The following EXOC4 variants were observed in gnomAD, a reference collection of about 807,000 sequenced individuals.
The protein encoded by EXOC4 is SEC8-like 1.
In EXOC4, 71 loss-of-function variants were observed where a neutral mutation model predicts 107.2. The observed-to-expected ratio is 0.66, with a 90% CI of 0.55 to 0.81. The LOEUF (loss-of-function observed/expected upper bound fraction) is 0.81, where lower values mean the gene tolerates loss of function less well. Ranked by LOEUF, EXOC4 falls within the 30% of genes least tolerant of loss-of-function variation. The pLI, the probability that EXOC4 is intolerant of heterozygous loss-of-function variation, is 0.00. For missense variants in EXOC4, 1,108 were observed against 1,189.6 expected, an observed-to-expected ratio of 0.93 and a Z score of 1.01; for synonymous variants, 456 against 441.2, an observed-to-expected ratio of 1.03 and a Z score of -0.42.
intron 10 of EXOC4, among the ~76,000 whole-genome samples, chr7:133,753,768 C>G (rs1482503024): frequency 6.6e-6 from 1 of 152,112 alleles, no homozygotes; most frequent in Non-Finnish European, 1.5e-5. Context: ...GTGGCGTGAA[C>G]TTGAGGCTGG....
chr7:133,359,750 A>T (rs144167612), intron 6 of EXOC4, among the ~76,000 whole-genome samples: 1 of 152,220 alleles, frequency 6.6e-6, no homozygotes, highest in Admixed American at 6.5e-5. Flanking sequence ...TTTGCTAGAA[A>T]TGTAGAAGGA....
At chr7:133,929,770 G>A (rs745683488) in intron 13 of EXOC4, among the ~76,000 whole-genome samples, 4 of 151,864 alleles carry the variant, frequency 2.6e-5, no homozygotes, top group African/African-American at 4.8e-5. Context: ...CCTTCTTTGC[G>A]TCAATGTGTA....
At chr7:133,271,448 C>T (rs1793868597) in intron 1 of EXOC4, among the ~76,000 whole-genome samples, 1 of 152,148 alleles carries the variant, frequency 6.6e-6, no homozygotes, top group Non-Finnish European at 1.5e-5. Context: ...CCTCAGGGCT[C>T]TTGTGTTTCT....
intron 10 of EXOC4, among the ~76,000 whole-genome samples, chr7:133,642,794 C>A (rs1339486933): frequency 2.0e-5 from 3 of 152,064 alleles, no homozygotes; most frequent in African/African-American, 7.2e-5. Context: ...ATCTCAGGCC[C>A]CCTTGTACAC....
intron 10 of EXOC4, among the ~76,000 whole-genome samples, chr7:133,769,342 C>G (rs1392348250): frequency 6.6e-6 from 1 of 151,718 alleles, no homozygotes; most frequent in East Asian, 1.9e-4. Context: ...GTTGGTGTTT[C>G]ATAGCAGCTG....
intron 17 of EXOC4, among the ~76,000 whole-genome samples, chr7:134,062,640 A>G (rs917540663): frequency 6.6e-5 from 10 of 152,218 alleles, no homozygotes; most frequent in African/African-American, 2.2e-4. Flanking sequence ...AGAAGTGAGT[A>G]ACACTCTTCA....
intron 10 of EXOC4, among the ~76,000 whole-genome samples, chr7:133,701,877 A>G (rs1794663045): frequency 6.6e-6 from 1 of 152,158 alleles, no homozygotes; most frequent in South Asian, 2.1e-4. Context: ...GTTTGTGTGC[A>G]TTAAAGCATC....
chr7:133,359,010 G>C (rs921797905), intron 6 of EXOC4, among the ~76,000 whole-genome samples: 2 of 152,156 alleles, frequency 1.3e-5, no homozygotes, highest in Non-Finnish European at 2.9e-5. Context: ...TGAATGAGCT[G>C]TTTGCCTTGG....
chr7:133,826,111 G>A (rs139984990), intron 11 of EXOC4, among the ~76,000 whole-genome samples: 27 of 152,256 alleles, frequency 1.8e-4, no homozygotes, highest in African/African-American at 5.3e-4. Context: ...AGATGGAGTG[G>A]AAGATGCCTG....
At chr7:133,277,132 T>G (rs1794014639) in intron 2 of EXOC4, among the ~76,000 whole-genome samples, 1 of 152,190 alleles carries the variant, frequency 6.6e-6, no homozygotes, top group South Asian at 2.1e-4. Flanking sequence ...TGGCTATAAC[T>G]GGGCATTTTT....
At chr7:133,862,210 G>A (rs1798548739) in intron 11 of EXOC4, among the ~76,000 whole-genome samples, 1 of 150,506 alleles carries the variant, frequency 6.6e-6, no homozygotes. Flanking sequence ...CTTTATTCTA[G>A]GTCGGGCGTG....
chr7:133,817,740 A>C (rs1797408152), intron 11 of EXOC4, among the ~76,000 whole-genome samples, 196 bp downstream of exon 11: 1 of 151,412 alleles, frequency 6.6e-6, no homozygotes, highest in African/African-American at 2.4e-5. Flanking sequence ...CTTTAAGGAA[A>C]ATTAAAAAAA....
intron 10 of EXOC4, among the ~76,000 whole-genome samples, chr7:133,657,758 A>G (rs1330250043): frequency 6.6e-6 from 1 of 152,180 alleles, no homozygotes. Flanking sequence ...CTTGAAATAA[A>G]TCTTATAGAA....
intron 13 of EXOC4, among the ~76,000 whole-genome samples, chr7:133,932,920 G>GA (rs954278430): frequency 6.6e-6 from 1 of 152,102 alleles, no homozygotes; most frequent in Admixed American, 6.5e-5. Context: ...AGGAGAGAGA[G>GA]AGAGAGAGAG....
intron 9 of EXOC4, among the ~76,000 whole-genome samples, chr7:133,581,757 CAAAAAAAAAA>C (rs71162005): frequency 2.4e-5 from 2 of 82,898 alleles, no homozygotes; most frequent in East Asian, 3.6e-4. Context: ...GACTCCGTCT[CAAAAAAAAAA>C]AAAAAAAAAA....
intron 9 of EXOC4, among the ~76,000 whole-genome samples, chr7:133,539,351 G>T (rs58093195): frequency 6.6e-6 from 1 of 151,686 alleles, no homozygotes; most frequent in Non-Finnish European, 1.5e-5. Flanking sequence ...AAAAATGGCC[G>T]TCTCTCCTGT....
At chr7:133,773,227 A>G (rs1178367918) in intron 10 of EXOC4, among the ~76,000 whole-genome samples, 1 of 151,960 alleles carries the variant, frequency 6.6e-6, no homozygotes, top group Non-Finnish European at 1.5e-5. Flanking sequence ...CACTCAAGCC[A>G]TGTGCTGAAA....
chr7:133,869,636 C>G (rs1370254758), intron 11 of EXOC4, among the ~76,000 whole-genome samples: 2 of 152,202 alleles, frequency 1.3e-5, no homozygotes, highest in Non-Finnish European at 2.9e-5. Context: ...TAGACTTACT[C>G]TATTTGTATC....
intron 3 of EXOC4, among the ~76,000 whole-genome samples, chr7:133,294,746 T>C (rs1794481087): frequency 6.6e-6 from 1 of 152,148 alleles, no homozygotes; most frequent in Admixed American, 6.6e-5. Flanking sequence ...AGCTATTTAA[T>C]TGAATAGTTT....
Sources: allele counts gnomAD v4.1 joint callset (sites outside exome capture counted in the v4.1 genomes callset), GRCh38; gene constraint gnomAD v4.1.1; transcripts MANE v1.5; gene names NCBI Gene and HGNC (gene_info 2026-07-23, HGNC 2026-07-21).